The following STARD9 variants were observed in gnomAD, a reference collection of about 807,000 sequenced individuals.
STARD9 encodes the protein StAR related lipid transfer domain containing 9, also known as stAR-related lipid transfer protein 9.
In STARD9, 346 loss-of-function variants were observed where a neutral mutation model predicts 399.8. The ratio of observed to expected loss-of-function variants is 0.87; its 90% CI spans 0.79 to 0.95. The LOEUF is 0.95. Ranked by LOEUF, STARD9 falls within the 40% of genes least tolerant of loss-of-function variation. The probability of loss-of-function intolerance (pLI) is 0.00; values close to 1 mark genes in which losing one functional copy is unlikely to be tolerated. For missense variants in STARD9, 5,832 were observed against 5,667.5 expected (o/e 1.03, Z -0.93); for synonymous variants, 2,203 against 2,143.5 (o/e 1.03, Z -0.77).
intron 7 of STARD9, among the ~76,000 whole-genome samples, chr15:42,646,358 G>A (rs773809476): frequency 4.1e-4 from 62 of 152,280 alleles, no homozygotes; most frequent in South Asian, 8.3e-4. Context: ...TTGAAATTCT[G>A]TTGTTTAGTG....
intron 20 of STARD9, among the ~76,000 whole-genome samples, chr15:42,680,388 T>A (rs1317398062): frequency 1.3e-5 from 2 of 151,930 alleles, no homozygotes; most frequent in Non-Finnish European, 2.9e-5. Flanking sequence ...TCACTTGAGG[T>A]AAGGAGTTCG....
chr15:42,667,559 G>A (rs1242728137), intron 15 of STARD9, among the ~76,000 whole-genome samples: 4 of 151,968 alleles, frequency 2.6e-5, no homozygotes, highest in Admixed American at 2.0e-4. Flanking sequence ...TCGGCTCGCT[G>A]TAACCTCTGC....
At chr15:42,596,681 C>A (rs2141722855) in intron 3 of STARD9, among the ~76,000 whole-genome samples, 1 of 152,188 alleles carries the variant, frequency 6.6e-6, no homozygotes, top group Admixed American at 6.5e-5. Flanking sequence ...AAGGCTCCTT[C>A]TAAATACAAC....
chr15:42,698,639 G>A (rs1211428565), intron 26 of STARD9, among the ~76,000 whole-genome samples: 5 of 152,228 alleles, frequency 3.3e-5, no homozygotes, highest in Middle Eastern at 3.4e-3. Flanking sequence ...GGCCATGCAA[G>A]CAGATATATT....
At chr15:42,612,380 C>T (rs994947797) in intron 3 of STARD9, among the ~76,000 whole-genome samples, 4 of 152,058 alleles carry the variant, frequency 2.6e-5, no homozygotes, top group African/African-American at 9.7e-5. Flanking sequence ...GCTTGGAAAT[C>T]GAGTCAGTGA....
chr15:42,638,539 T>C (rs774787459), intron 6 of STARD9, among the ~76,000 whole-genome samples, 161 bp from the exon 7 acceptor site: 5 of 152,070 alleles, frequency 3.3e-5, no homozygotes, highest in Admixed American at 3.3e-4. Flanking sequence ...CTATTGTATA[T>C]GTATGGAAAG....
intron 3 of STARD9, among the ~76,000 whole-genome samples, chr15:42,621,882 T>A (rs537518281): frequency 2.0e-4 from 30 of 152,332 alleles, no homozygotes; most frequent in African/African-American, 7.2e-4. Context: ...GGGGTATCAC[T>A]GTTTTCAGGT....
At chr15:42,650,310 A>G (rs1005387807) in intron 7 of STARD9, among the ~76,000 whole-genome samples, 1 of 152,148 alleles carries the variant, frequency 6.6e-6, no homozygotes, top group African/African-American at 2.4e-5. Context: ...CCATGAAGTT[A>G]CTTTGTTTTT....
chr15:42,600,636 C>T (rs1595610123), intron 3 of STARD9, among the ~76,000 whole-genome samples: 2 of 151,586 alleles, frequency 1.3e-5, no homozygotes, highest in East Asian at 3.9e-4. Context: ...AGCGGTTCTC[C>T]TGCCTCAGCC....
At chr15:42,580,858 A>C (rs1206472518) in intron 1 of STARD9, among the ~76,000 whole-genome samples, 1 of 152,276 alleles carries the variant, frequency 6.6e-6, no homozygotes, top group East Asian at 1.9e-4. Flanking sequence ...GTTTTCCTCT[A>C]AGGACTGCTT....
At chr15:42,683,633 C>T (rs547889300) in intron 22 of STARD9, among the ~76,000 whole-genome samples, 67 of 152,140 alleles carry the variant, frequency 4.4e-4, no homozygotes, top group African/African-American at 1.5e-3. Flanking sequence ...GCATTGAAAC[C>T]GTTGGTTTTT....
At chr15:42,630,048 G>C (rs2059302889) in intron 3 of STARD9, 1 of 141,200 alleles carries the variant, frequency 7.1e-6, no homozygotes, top group Non-Finnish European at 1.5e-5. Context: ...CTGTCGCCCA[G>C]GCTGGAGTGC....
chr15:42,646,206 A>C (rs2059642785), intron 7 of STARD9, among the ~76,000 whole-genome samples: 1 of 152,076 alleles, frequency 6.6e-6, no homozygotes, highest in Non-Finnish European at 1.5e-5. Context: ...ATAATAATAA[A>C]ATAAAGTCAC....
chr15:42,658,012 A>G (rs994143532), intron 9 of STARD9, among the ~76,000 whole-genome samples: 18 of 152,238 alleles, frequency 1.2e-4, no homozygotes, highest in African/African-American at 4.3e-4. Context: ...AAACTATTAA[A>G]CTTTAGAACA....
At chr15:42,665,167 C>T in intron 13 of STARD9, 86 bp from the exon 14 acceptor site, 1 of 1,075,310 alleles carries the variant, frequency 9.3e-7, no homozygotes, top group Non-Finnish European at 1.4e-6. Context: ...GAGTAATCTA[C>T]CTCTTCCCAG....
At chr15:42,702,419 G>A (rs771811918) in intron 26 of STARD9, among the ~76,000 whole-genome samples, 3 of 152,072 alleles carry the variant, frequency 2.0e-5, no homozygotes, top group Non-Finnish European at 4.4e-5. Context: ...GGCCAGGCTG[G>A]TCTCCAACTC....
chr15:42,657,709 A>G (rs1042601805), intron 9 of STARD9, among the ~76,000 whole-genome samples: 36 of 152,250 alleles, frequency 2.4e-4, no homozygotes, highest in African/African-American at 8.7e-4. Flanking sequence ...CACACGGAGC[A>G]TTCTCTGAGA....
chr15:42,633,707 G>A (rs926970362), intron 3 of STARD9, among the ~76,000 whole-genome samples: 13 of 149,712 alleles, frequency 8.7e-5, no homozygotes, highest in East Asian at 7.9e-4. Context: ...GCAGTGGCAC[G>A]ATCTCAGCTC....
intron 3 of STARD9, among the ~76,000 whole-genome samples, chr15:42,621,954 T>TAC (rs1449342834): frequency 6.6e-6 from 1 of 152,236 alleles, no homozygotes; most frequent in African/African-American, 2.4e-5. Flanking sequence ...TTCATATATA[T>TAC]ACACATACAT....
Sources: gnomAD v4.1 joint callset for allele counts (sites outside exome capture counted in the v4.1 genomes callset) on GRCh38, gnomAD v4.1.1 for gene constraint, MANE v1.5 for transcripts, NCBI Gene and HGNC (gene_info 2026-07-23, HGNC 2026-07-21) for gene names.